Variants in UTRN observed in about 807,000 individuals in gnomAD.
UTRN encodes the protein dystrophin-related protein 1.
Under a neutral mutation model 463.9 loss-of-function variants are expected in UTRN, and 283 were observed. The observed-to-expected ratio is 0.61, with a 90% confidence interval of 0.55 to 0.67. The LOEUF (loss-of-function observed/expected upper bound fraction) is 0.67, where lower values mean the gene tolerates loss of function less well. UTRN is among the 30% of genes least tolerant of loss of function. The probability of loss-of-function intolerance (pLI) is 0.00; values close to 1 mark genes in which losing one functional copy is unlikely to be tolerated. For synonymous variants in UTRN, 1,442 were observed against 1,431.5 expected, an observed-to-expected ratio of 1.01 and a Z score of -0.17; for missense variants, 3,922 against 4,084.3, an observed-to-expected ratio of 0.96 and a Z score of 1.08.
chr6:144,516,063 T>C (rs1271624740), intron 37 of UTRN, among the ~76,000 whole-genome samples, 166 bp from the exon 38 acceptor site: 2 of 152,234 alleles, frequency 1.3e-5, no homozygotes, highest in African/African-American at 4.8e-5. Context: ...GAAGTCTGAA[T>C]TGGTAAAATC....
At chr6:144,768,655 T>C (rs1440184703) in intron 58 of UTRN, among the ~76,000 whole-genome samples, 1 of 152,204 alleles carries the variant, frequency 6.6e-6, no homozygotes, top group East Asian at 1.9e-4. Flanking sequence ...CTGGTCAATA[T>C]CCACAGGACA....
intron 58 of UTRN, among the ~76,000 whole-genome samples, chr6:144,767,552 C>T (rs1165084440): frequency 6.6e-6 from 1 of 152,078 alleles, no homozygotes; most frequent in Non-Finnish European, 1.5e-5. Context: ...ACTCTCTGCC[C>T]TAGTTTTTTC....
chr6:144,423,349 T>C (rs139358661), intron 4 of UTRN, among the ~76,000 whole-genome samples, 200 bp from the exon 5 acceptor site: 2,250 of 152,260 alleles, frequency 0.015, 49 homozygotes, highest in South Asian at 0.1. Context: ...GGAACTGGTA[T>C]CTTAAGATGT....
chr6:144,423,665 A>G, intron 5 of UTRN, 39 bp downstream of exon 5: 3 of 1,604,346 alleles, frequency 1.9e-6, no homozygotes, highest in Non-Finnish European at 2.6e-6. Context: ...CTGTGCTGCC[A>G]TCAGCATTAT....
At position 144,285,453 on chromosome 6, in the gene UTRN, C is replaced by T. The variant is rs1194009246; in HGVS notation, c.-461C>T. Among the ~76,000 whole-genome samples, 1 of 152,170 alleles carries T rather than the reference C, an allele frequency of 6.6e-6. No homozygotes were observed. Among genetic ancestry groups the T allele is most frequent in the Non-Finnish European group, 1.5e-5 (1 of 68,024 alleles). On this transcript the variant is annotated 5_prime_UTR_variant, in exon 1 of 75. Coordinates refer to ENST00000367545, the MANE Select transcript of UTRN (RefSeq NM_007124.3). ...ATTGGGGAATCACGGGGAGCGGCGC[C>T]CCCCTTCTTTTGGGTCATTTCTGCA...
rs541085039 is a variant in UTRN at position 144,842,025 on chromosome 6, G to T, written c.10270+1193G>T. ...CTCAGGAGGTTGAGGCAGGAGAATCGCTTGAACCTGGGAGGTAGAGGTTGC... is the reference window on the plus strand; with the variant it reads ...CTCAGGAGGTTGAGGCAGGAGAATCTCTTGAACCTGGGAGGTAGAGGTTGC... On this transcript the variant is annotated intron_variant, in intron 73 of 74. Coordinates refer to ENST00000367545, the MANE Select transcript of UTRN (RefSeq NM_007124.3). Among the ~76,000 whole-genome samples the T allele has an allele frequency of 6.9e-5, 10 of 145,004 alleles. No homozygotes were observed. In the East Asian group the frequency reaches 2.2e-3, roughly 32 times the overall value.
chr6:144,841,290 T>C (rs1029527849), intron 73 of UTRN, among the ~76,000 whole-genome samples: 1 of 152,206 alleles, frequency 6.6e-6, no homozygotes, highest in Non-Finnish European at 1.5e-5. Context: ...AGAAAGGGAT[T>C]GTTTTCAGAT....
At chr6:144,472,676 C>T (rs1219016273) in intron 23 of UTRN, among the ~76,000 whole-genome samples, 1 of 151,826 alleles carries the variant, frequency 6.6e-6, no homozygotes, top group Non-Finnish European at 1.5e-5. Context: ...AGTAGAAGAC[C>T]AGAGAAAAAC....
intron 25 of UTRN, among the ~76,000 whole-genome samples, chr6:144,476,877 T>C (rs1791265927): frequency 6.6e-6 from 1 of 152,266 alleles, no homozygotes; most frequent in East Asian, 1.9e-4. Flanking sequence ...TTGAGAAATT[T>C]CTGTCTTCAG....
chr6:144,519,977 C>T (rs1354226351), intron 39 of UTRN, among the ~76,000 whole-genome samples: 1 of 152,146 alleles, frequency 6.6e-6, no homozygotes, highest in Non-Finnish European at 1.5e-5. Context: ...ACAAATGTGG[C>T]ATGTATTATC....
intron 28 of UTRN, among the ~76,000 whole-genome samples, chr6:144,485,931 A>G (rs1792399941): frequency 6.6e-6 from 1 of 152,214 alleles, no homozygotes; most frequent in Admixed American, 6.5e-5. Flanking sequence ...TTCAGATGCT[A>G]GAAGTTAAGA....
chr6:144,518,920 A>G (rs1376587524), intron 39 of UTRN, among the ~76,000 whole-genome samples: 1 of 152,194 alleles, frequency 6.6e-6, no homozygotes, highest in Non-Finnish European at 1.5e-5. Context: ...CTTTAAAAAA[A>G]CTACAGTGCC....
chr6:144,703,544 T>C (rs2128699662), intron 53 of UTRN, among the ~76,000 whole-genome samples: 1 of 151,678 alleles, frequency 6.6e-6, no homozygotes, highest in Middle Eastern at 3.4e-3. Context: ...GTTGGGAAAA[T>C]GAGGAAACTG....
chr6:144,501,471 G>A (rs972717872), intron 34 of UTRN, among the ~76,000 whole-genome samples: 3 of 151,756 alleles, frequency 2.0e-5, no homozygotes, highest in Admixed American at 1.3e-4. Flanking sequence ...AGCACATTTC[G>A]ATGTGCACAT....
At chr6:144,633,418 A>G (rs1435233932) in intron 51 of UTRN, among the ~76,000 whole-genome samples, 4 of 151,746 alleles carry the variant, frequency 2.6e-5, no homozygotes, top group South Asian at 2.1e-4. Flanking sequence ...TTTTTTAGTA[A>G]AGACGGCGTT....
chr6:144,833,326 C>G (rs930228904), intron 69 of UTRN, among the ~76,000 whole-genome samples: 1 of 152,180 alleles, frequency 6.6e-6, no homozygotes, highest in African/African-American at 2.4e-5. Context: ...AGATATTGCT[C>G]CATTGTCTTT....
At chr6:144,377,319 G>GT (rs1780551643) in intron 2 of UTRN, among the ~76,000 whole-genome samples, 4 of 152,208 alleles carry the variant, frequency 2.6e-5, no homozygotes, top group African/African-American at 9.6e-5. Flanking sequence ...TTACAGGTGT[G>GT]AGCCACGGTG....
At chr6:144,834,686 G>A (rs1780956561) in intron 69 of UTRN, among the ~76,000 whole-genome samples, 1 of 152,200 alleles carries the variant, frequency 6.6e-6, no homozygotes, top group Non-Finnish European at 1.5e-5. Context: ...GAGAGGCCCA[G>A]GACTGCCAGC....
At chr6:144,808,719 T>C (rs1348897710) in intron 65 of UTRN, among the ~76,000 whole-genome samples, 2 of 151,262 alleles carry the variant, frequency 1.3e-5, no homozygotes, top group East Asian at 1.9e-4. Context: ...TGTGCTACTA[T>C]GAGCTTGACT....
Sources: allele counts gnomAD v4.1 joint callset (sites outside exome capture counted in the v4.1 genomes callset), GRCh38; gene constraint gnomAD v4.1.1; transcripts MANE v1.5; gene names NCBI Gene and HGNC (gene_info 2026-07-23, HGNC 2026-07-21).